The following DCT variants were observed in gnomAD, a reference collection of about 807,000 sequenced individuals.
DCT encodes the protein L-dopachrome tautomerase.
Under a neutral mutation model 53.0 loss-of-function variants are expected in DCT, and 47 were observed. The ratio of observed to expected loss-of-function variants is 0.89; its 90% CI spans 0.70 to 1.13. The LOEUF is 1.13. DCT is among the 50% of genes most tolerant of loss of function. The probability of loss-of-function intolerance (pLI) is 0.00; values close to 1 mark genes in which losing one functional copy is unlikely to be tolerated. For synonymous variants in DCT, 244 were observed against 237.0 expected (o/e 1.03, Z -0.27); for missense variants, 669 against 637.4 (o/e 1.05, Z -0.53).
chr13:94,490,732 AGTAAAT>A, the DCT span, among the ~76,000 whole-genome samples: 1 of 150,276 alleles, frequency 6.7e-6, no homozygotes, highest in African/African-American at 2.5e-5. Flanking sequence ...ACAGCTGCCT[AGTAAAT>A]GTAAATTTTG....
chr13:94,481,599 T>C (rs1885449492), upstream of DCT, among the ~76,000 whole-genome samples: 2 of 152,176 alleles, frequency 1.3e-5, no homozygotes, highest in African/African-American at 4.8e-5. Context: ...CTAGGATCTC[T>C]TTTCTTTCAT....
At chr13:94,482,275 T>A (rs561180225), upstream of DCT, among the ~76,000 whole-genome samples, 1 of 152,304 alleles carries the variant, frequency 6.6e-6, no homozygotes, top group East Asian at 1.9e-4. Context: ...GCTTAAAAGA[T>A]CCTCCATGAT....
In DCT at chr13:94,479,351, A is replaced by G. The variant is rs887146663; in HGVS notation, c.-96T>C. 6.3e-5 allele frequency: 74 copies of G among 1,165,890 alleles called. No homozygotes were observed. The highest frequency in any genetic ancestry group is 8.0e-5 in the Non-Finnish European group (68 of 844,844). The allele number at this position is 1,165,890 out of a possible 1,614,324, so 72.2% of individuals were successfully genotyped here. A position where few individuals can be genotyped will look rare whatever the true frequency, so the allele number is the denominator to read the frequency against. ...TCTACTCTTTCAGTCTTTTCTTTTC[A>G]GTATTTTTTATTTTTCTTTGCTTTC... is the stretch of plus-strand genomic sequence containing the variant. On this transcript the variant is annotated 5_prime_UTR_variant, in exon 1 of 8. Coordinates refer to ENST00000377028, the MANE Select transcript of DCT (RefSeq NM_001922.5).
chr13:94,526,839 C>A, the DCT span, among the ~76,000 whole-genome samples: 5 of 152,138 alleles, frequency 3.3e-5, no homozygotes, highest in African/African-American at 1.2e-4. Context: ...CAGGAAACAC[C>A]AGGGGTCTAG....
At chr13:94,488,464 C>T in the DCT span, among the ~76,000 whole-genome samples, 2 of 152,042 alleles carry the variant, frequency 1.3e-5, no homozygotes, top group African/African-American at 2.4e-5. Context: ...CCTGTAATCT[C>T]GGCACTTTGG....
At chr13:94,470,076 AAAAG>A (rs1314987490) in intron 1 of DCT, among the ~76,000 whole-genome samples, 1 of 152,114 alleles carries the variant, frequency 6.6e-6, no homozygotes, top group East Asian at 1.9e-4. Context: ...CTCTGTCTCA[AAAAG>A]AAAGAAAAGA....
chr13:94,444,287 G>T, intron 6 of DCT: 1 of 387,726 alleles, frequency 2.6e-6, no homozygotes, highest in Non-Finnish European at 5.2e-6. Flanking sequence ...AACACTTCTG[G>T]TCCCAAGCAT....
chr13:94,518,447 G>A, the DCT span, among the ~76,000 whole-genome samples: 1 of 152,182 alleles, frequency 6.6e-6, no homozygotes, highest in South Asian at 2.1e-4. Context: ...ACATCTACAT[G>A]TTCCACAGCT....
the DCT span, among the ~76,000 whole-genome samples, chr13:94,484,838 C>T: frequency 1.3e-5 from 2 of 152,260 alleles, no homozygotes; most frequent in Middle Eastern, 3.4e-3. Context: ...TTGGGTGCTG[C>T]AAGTTGGGAA....
chr13:94,483,669 T>C (rs527422078), upstream of DCT, among the ~76,000 whole-genome samples: 2 of 152,140 alleles, frequency 1.3e-5, no homozygotes, highest in African/African-American at 4.8e-5. Context: ...ATCTGGCTAA[T>C]TTTTGTATTT....
At chr13:94,469,430 C>G (rs1369933128) in intron 1 of DCT, among the ~76,000 whole-genome samples, 1 of 151,996 alleles carries the variant, frequency 6.6e-6, no homozygotes, top group South Asian at 2.1e-4. Context: ...GACTGGTGTC[C>G]TCAAAAGAAG....
chr13:94,466,668 T>A lies in DCT; in HGVS notation c.596-10A>T. 1 of 1,558,554 alleles carries A rather than the reference T, an allele frequency of 6.4e-7. No individual in the cohort carries two copies. Among genetic ancestry groups the A allele is most frequent in the Non-Finnish European group, 8.8e-7 (1 of 1,142,288 alleles). On this transcript the variant is annotated splice_polypyrimidine_tract_variant and intron_variant, in intron 2 of 7. Coordinates refer to ENST00000377028, the MANE Select transcript of DCT (RefSeq NM_001922.5). ...TAGGGGCGTCCTGGTCCTGAAACAA[T>A]TGGGAAACATATTAGAGATGACAGA...
At chr13:94,462,360 C>T (rs1056249504) in intron 4 of DCT, among the ~76,000 whole-genome samples, 171 bp from the exon 5 acceptor site, 3 of 151,814 alleles carry the variant, frequency 2.0e-5, no homozygotes, top group South Asian at 4.2e-4. Context: ...ATTAGCTAGG[C>T]TTGGTGGTGT....
Position 94,460,085 on chromosome 13 carries a change from A to T in DCT, c.1179+6T>A, listed in dbSNP as rs759555045. 4 of 1,613,706 alleles carry T rather than the reference A, an allele frequency of 2.5e-6. No individual in the cohort carries two copies. The highest frequency in any genetic ancestry group is 3.4e-6 in the Non-Finnish European group (4 of 1,179,916). Reference sequence around the variant, plus strand: ...ATTTTCATGCATTCTGAATCTTTGAACATACCACAAAAATGGGATCATTGG... The same window carrying T: ...ATTTTCATGCATTCTGAATCTTTGATCATACCACAAAAATGGGATCATTGG... On this transcript the variant is annotated splice_donor_region_variant and intron_variant, in intron 6 of 7. Transcript: ENST00000377028.
the DCT span, among the ~76,000 whole-genome samples, chr13:94,527,177 A>G: frequency 1.3e-5 from 2 of 152,352 alleles, no homozygotes; most frequent in South Asian, 4.1e-4. Context: ...TACTGCCTCT[A>G]TGAATTCCAC....
intron 6 of DCT, among the ~76,000 whole-genome samples, chr13:94,445,216 G>GTTGGCTTCATCTGGCCTTCCC (rs1339805799): frequency 3.3e-5 from 5 of 152,216 alleles, no homozygotes; most frequent in Non-Finnish European, 7.3e-5. Flanking sequence ...CTCATTGAAG[G>GTTGGCTTCATCTGGCCTTCCC]TTGGCTTCAT....
At chr13:94,446,588 G>A (rs903463378) in intron 6 of DCT, among the ~76,000 whole-genome samples, 2 of 152,224 alleles carry the variant, frequency 1.3e-5, no homozygotes, top group African/African-American at 2.4e-5. Flanking sequence ...TCAGGCTGCT[G>A]TAACAAAGTA....
chr13:94,503,648 C>T, the DCT span, among the ~76,000 whole-genome samples: 1 of 152,162 alleles, frequency 6.6e-6, no homozygotes, highest in Admixed American at 6.5e-5. Context: ...CCAAAGACTT[C>T]CTGGAGCCAC....
At chr13:94,480,735 C>T (rs934624183), upstream of DCT, among the ~76,000 whole-genome samples, 4 of 152,202 alleles carry the variant, frequency 2.6e-5, no homozygotes, top group African/African-American at 9.7e-5. Flanking sequence ...CAGACACCAA[C>T]CAACCTTTGT....
Sources: allele counts gnomAD v4.1 joint callset (sites outside exome capture counted in the v4.1 genomes callset), GRCh38; gene constraint gnomAD v4.1.1; transcripts MANE v1.5; gene names NCBI Gene and HGNC (gene_info 2026-07-23, HGNC 2026-07-21).